The following FBN1 variants were observed in gnomAD, a reference collection of about 807,000 sequenced individuals.
FBN1 encodes the protein fibrillin 1.
A neutral mutation model predicts 365.1 loss-of-function variants in FBN1; 29 were observed. The observed-to-expected ratio is 0.08, with a 90% CI of 0.06 to 0.11. The LOEUF is 0.11. Among genes scored for constraint, FBN1 ranks in the 10% least tolerant of loss-of-function variants. The probability of loss-of-function intolerance (pLI) is 1.00; values close to 1 mark genes in which losing one functional copy is unlikely to be tolerated. For missense variants in FBN1, 2,476 were observed against 3,703.2 expected (o/e 0.67, Z 8.60); for synonymous variants, 1,210 against 1,270.5 (o/e 0.95, Z 1.01).
At chr15:48,507,507 A>T (rs781246115) in intron 15 of FBN1, among the ~76,000 whole-genome samples, 73 of 152,204 alleles carry the variant, frequency 4.8e-4, no homozygotes, top group Non-Finnish European at 1.0e-4. Context: ...TTTGCACAAT[A>T]TTAAGAGCCA....
chr15:48,433,731 T>A (rs147391250), intron 54 of FBN1, among the ~76,000 whole-genome samples: 26 of 152,294 alleles, frequency 1.7e-4, no homozygotes, highest in African/African-American at 5.1e-4. Context: ...AGAACACGAG[T>A]GAGAGCCCAG....
chr15:48,446,924 C>A (rs1364509769), intron 46 of FBN1, 102 bp from the exon 47 acceptor site: 9 of 767,618 alleles, frequency 1.2e-5, no homozygotes, highest in Admixed American at 1.1e-4. Flanking sequence ...CAGGCCTCAT[C>A]CATAGGCTGA....
At chr15:48,622,574 C>T (rs1889789892) in intron 2 of FBN1, among the ~76,000 whole-genome samples, 1 of 152,140 alleles carries the variant, frequency 6.6e-6, no homozygotes, top group Non-Finnish European at 1.5e-5. Flanking sequence ...TAGTTTCTCT[C>T]TACTCCATTA....
Position 48,488,466 on chromosome 15 carries a change from C to T in FBN1, c.3110G>A (p.Ser1037Asn). ...KDINECKMIP[S>N]LCTHGKCRNT... ...TCTGCACTTGCCGTGGGTGCAGAGG[C>T]TGGGTATCATCTTGCACTCATTGAT... Residue 1037 changes from serine (S) to asparagine (N), a missense_variant, in exon 26 of 66, where the codon AGC (serine) becomes AAC (asparagine). By Grantham distance (46) the Ser-to-Asn change is conservative. Coordinates refer to ENST00000316623, the MANE Select transcript of FBN1 (RefSeq NM_000138.5). The T allele has an allele frequency of 6.2e-7, 1 of 1,614,092 alleles. No homozygotes were observed. The highest frequency in any genetic ancestry group is 8.5e-7 in the Non-Finnish European group (1 of 1,180,024).
chr15:48,449,857 T>C (rs759140519), intron 45 of FBN1, among the ~76,000 whole-genome samples: 33 of 152,186 alleles, frequency 2.2e-4, no homozygotes, highest in Non-Finnish European at 3.8e-4. Flanking sequence ...CAGAACACAG[T>C]AATCATGAAT....
Position 48,445,391 on chromosome 15 carries a change from C to T in FBN1, c.5902G>A (p.Gly1968Arg), listed in dbSNP as rs768997549. 2 of 1,612,750 alleles carry T rather than the reference C, an allele frequency of 1.2e-6. No homozygotes were observed. The highest frequency in any genetic ancestry group is 1.7e-6 in the Non-Finnish European group (2 of 1,179,162). ...CTGTACTTACCCACACAGGTCCTCC[C>T]ATCTGGAGCCACCTCATAGCCTTCA... The part of the protein sequence containing the change: ...CNEGYEVAPD[G>R]RTCVDINECL... The change falls in exon 48 of 66, where the codon GGG (glycine) becomes AGG (arginine). Residue 1968 changes from glycine to arginine, a missense_variant. By Grantham distance (125) the Gly-to-Arg change is moderately radical. Coordinates refer to ENST00000316623, the MANE Select transcript of FBN1 (RefSeq NM_000138.5).
At chr15:48,491,302 G>A (rs993344121) in intron 24 of FBN1, among the ~76,000 whole-genome samples, 13 of 151,162 alleles carry the variant, frequency 8.6e-5, no homozygotes, top group South Asian at 4.2e-4. Context: ...ATTCTAATTC[G>A]TAAGTGATCA....
intron 29 of FBN1, 26 bp downstream of exon 29, chr15:48,487,034 GTAAAATAAAATAAAA>G (rs72158035): frequency 9.4e-6 from 12 of 1,280,746 alleles, no homozygotes; most frequent in Admixed American, 3.0e-5. Context: ...ATAAAATAAA[GTAAAATAAAATAAAA>G]TAAAATAAAA....
intron 58 of FBN1, among the ~76,000 whole-genome samples, chr15:48,426,834 T>C (rs1365382105): frequency 2.6e-5 from 4 of 151,518 alleles, no homozygotes. Flanking sequence ...CTGTTTTTTC[T>C]TTTTTTTTAA....
At chr15:48,610,698 A>C (rs1328626369) in intron 4 of FBN1, 30 bp downstream of exon 4, 15 of 1,512,782 alleles carry the variant, frequency 9.9e-6, no homozygotes, top group Non-Finnish European at 1.4e-5. Flanking sequence ...ACATAAAATA[A>C]TATTATATAT....
chr15:48,465,083 T>C (rs1293806741), intron 40 of FBN1, among the ~76,000 whole-genome samples: 1 of 152,200 alleles, frequency 6.6e-6, no homozygotes, highest in Non-Finnish European at 1.5e-5. Context: ...TTCTCCACCT[T>C]TCCAGTAACA....
chr15:48,532,020 TA>T (rs2043977552), intron 8 of FBN1, among the ~76,000 whole-genome samples: 1 of 152,228 alleles, frequency 6.6e-6, no homozygotes, highest in African/African-American at 2.4e-5. Context: ...AAGGATTAAG[TA>T]ATAGACTGAG....
intron 32 of FBN1, among the ~76,000 whole-genome samples, chr15:48,478,429 C>T (rs926897847): frequency 3.3e-5 from 5 of 152,080 alleles, no homozygotes; most frequent in East Asian, 1.9e-4. Context: ...CCAGAAATCC[C>T]GCTATTTTAA....
At position 48,427,496 on chromosome 15, in the gene FBN1, T is replaced by A; in HGVS notation, c.7204+71A>T. Reference sequence around the variant, plus strand: ...GGCACATATTGCAAACTCCATATTTTCATCTGTGTTTCACACAAAAAACAA... The same window carrying A: ...GGCACATATTGCAAACTCCATATTTACATCTGTGTTTCACACAAAAAACAA... On this transcript the variant is annotated intron_variant, in intron 58 of 65. Coordinates refer to ENST00000316623, the MANE Select transcript of FBN1 (RefSeq NM_000138.5). 3.3e-6 allele frequency: 5 copies of A among 1,498,780 alleles called. No homozygotes were observed. In the Admixed American group the frequency reaches 8.5e-5, roughly 25 times the overall value. 92.8% of individuals were successfully genotyped at this position (1,498,780 alleles called of 1,614,324 possible).
At chr15:48,417,520 C>T (rs1336480422) in intron 63 of FBN1, among the ~76,000 whole-genome samples, 3 of 147,756 alleles carry the variant, frequency 2.0e-5, no homozygotes, top group Non-Finnish European at 4.5e-5. Context: ...CTCTTTCCCT[C>T]CTTCCCTTCA....
intron 63 of FBN1, among the ~76,000 whole-genome samples, chr15:48,416,335 G>C (rs1007783528): frequency 6.6e-6 from 1 of 152,142 alleles, no homozygotes; most frequent in Non-Finnish European, 1.5e-5. Context: ...TCTGCCCCAC[G>C]TGTCTGCCCC....
At chr15:48,632,485 T>C (rs762154017) in intron 2 of FBN1, among the ~76,000 whole-genome samples, 2 of 152,184 alleles carry the variant, frequency 1.3e-5, no homozygotes, top group Non-Finnish European at 2.9e-5. Flanking sequence ...TTAATCGCAT[T>C]TACAAGTGAA....
intron 44 of FBN1, among the ~76,000 whole-genome samples, chr15:48,453,294 C>CAAAAAAAAAAACAAAAA (rs60566317): frequency 1.7e-5 from 1 of 58,472 alleles, no homozygotes; most frequent in Non-Finnish European, 4.5e-5. Context: ...ATAAAACAAA[C>CAAAAAAAAAAACAAAAA]AAAAAAAAAA....
chr15:48,538,793 A>T (rs1410454964), intron 6 of FBN1, among the ~76,000 whole-genome samples: 3 of 152,112 alleles, frequency 2.0e-5, no homozygotes, highest in Non-Finnish European at 1.5e-5. Context: ...CAACATTTGC[A>T]TGCTTCCAGG....
Sources: allele counts gnomAD v4.1 joint callset (sites outside exome capture counted in the v4.1 genomes callset), GRCh38; gene constraint gnomAD v4.1.1; transcripts MANE v1.5; gene names NCBI Gene and HGNC (gene_info 2026-07-23, HGNC 2026-07-21).